SLC5A8: variants seen among roughly 807,000 people sequenced by gnomAD.
SLC5A8 encodes the protein sodium-coupled monocarboxylate transporter 1.
A neutral mutation model predicts 71.9 loss-of-function variants in SLC5A8; 55 were observed. The observed-to-expected ratio is 0.77, with a 90% CI of 0.62 to 0.96. The LOEUF is 0.96. Among genes scored for constraint, SLC5A8 ranks in the 40% least tolerant of loss-of-function variants. The pLI is 0.00. For missense variants in SLC5A8, 701 were observed against 745.3 expected (o/e 0.94, Z 0.69); for synonymous variants, 307 against 276.1 (o/e 1.11, Z -1.11).
Position 101,193,725 on chromosome 12 carries a change from C to T in SLC5A8, c.592G>A (p.Ala198Thr). ...TGTATAATCACGGATGCAAATCCAG[C>T]CACCATGATCCCAACTTGAAAAACA... The part of the protein sequence containing the change: ...TDVFQVGIMV[A>T]GFASVIIQAV... Residue 198 changes from alanine (A) to threonine (T), a missense_variant, in exon 5 of 15, where the codon GCT (alanine) becomes ACT (threonine). Transcript: ENST00000536262. The T allele has an allele frequency of 6.2e-7, 1 of 1,614,140 alleles. No homozygotes were observed. The highest frequency in any genetic ancestry group is 8.5e-7 in the Non-Finnish European group (1 of 1,180,020).
At position 101,209,243 on chromosome 12, in the gene SLC5A8, CT is replaced by C. The variant is rs528390042; in HGVS notation, c.351+254del. The stretch of plus-strand genomic sequence containing the variant: ...GTTGCAATCCGTTCACTTTGGAAGC[CT>C]CTTTTTTTCACTAAGCCCAGGAGAG... On this transcript the variant is annotated intron_variant, in intron 1 of 14. Coordinates refer to ENST00000536262, the MANE Select transcript of SLC5A8 (RefSeq NM_145913.5). Among the ~76,000 whole-genome samples the C allele has an allele frequency of 5.9e-5, 9 of 152,282 alleles. No homozygotes were observed. The South Asian group carries it at 1.9e-3, about 32-fold the overall frequency.
chr12:101,178,006 C>G (rs1379418208), intron 10 of SLC5A8, among the ~76,000 whole-genome samples: 1 of 152,042 alleles, frequency 6.6e-6, no homozygotes, highest in African/African-American at 2.4e-5. Flanking sequence ...CAAACTAAAC[C>G]ATAAAACAAA....
intron 13 of SLC5A8, among the ~76,000 whole-genome samples, chr12:101,160,367 A>T (rs571690105): frequency 1.3e-5 from 2 of 152,242 alleles, no homozygotes; most frequent in African/African-American, 4.8e-5. Flanking sequence ...TTATAAATAC[A>T]AGTGTCACAG....
At chr12:101,180,155 A>G (rs1162566494) in intron 9 of SLC5A8, 59 bp from the exon 10 acceptor site, 11 of 1,516,726 alleles carry the variant, frequency 7.3e-6, no homozygotes, top group South Asian at 2.2e-5. Flanking sequence ...AGAATTCTCA[A>G]TAGAATAATC....
At chr12:101,168,325 G>GA in intron 10 of SLC5A8, 143 bp from the exon 11 acceptor site, 1 of 761,526 alleles carries the variant, frequency 1.3e-6, no homozygotes, top group Non-Finnish European at 2.1e-6. Flanking sequence ...CTTATCACTG[G>GA]AAAAGAAGTC....
intron 10 of SLC5A8, among the ~76,000 whole-genome samples, chr12:101,174,002 G>A (rs577609306): frequency 6.6e-6 from 1 of 152,260 alleles, no homozygotes; most frequent in Non-Finnish European, 1.5e-5. Context: ...GTTTTTCATG[G>A]TGGCAATTTC....
chr12:101,199,269 T>A (rs948548041), intron 3 of SLC5A8: 3 of 152,032 alleles, frequency 2.0e-5, no homozygotes, highest in African/African-American at 4.8e-5. Flanking sequence ...CTTCCTTTTT[T>A]AAAAAATATG....
chr12:101,180,136 C>A, intron 9 of SLC5A8, 40 bp from the exon 10 acceptor site: 14 of 1,591,184 alleles, frequency 8.8e-6, no homozygotes, highest in Non-Finnish European at 1.2e-5. Context: ...AATCCACACC[C>A]AGAGAATTAG....
rs2051655353 is a variant in SLC5A8 at position 101,155,831 on chromosome 12, A to G, written c.*1448T>C. 5 of 150,270 alleles carry G rather than the reference A, an allele frequency of 3.3e-5. No individual in the cohort carries two copies. The South Asian group carries it at 1.0e-3, about 32-fold the overall frequency. The allele number at this position is 150,270 out of a possible 1,614,324, so 9.3% of individuals were successfully genotyped here. A position where few individuals can be genotyped will look rare whatever the true frequency, so the allele number is the denominator to read the frequency against. ...TTTTTTTAAATTTCTTAACATTGTC[A>G]GTTAGCAACCTCTAAATGTACAGGG... On this transcript the variant is annotated 3_prime_UTR_variant, in exon 15 of 15. Coordinates refer to ENST00000536262, the MANE Select transcript of SLC5A8 (RefSeq NM_145913.5).
chr12:101,190,258 A>T (rs1270769831), intron 6 of SLC5A8, among the ~76,000 whole-genome samples: 1 of 152,252 alleles, frequency 6.6e-6, no homozygotes, highest in Non-Finnish European at 1.5e-5. Context: ...ATTTGTTTTC[A>T]TTAATAATTC....
At chr12:101,174,967 T>C (rs912497932) in intron 10 of SLC5A8, among the ~76,000 whole-genome samples, 1 of 151,854 alleles carries the variant, frequency 6.6e-6, no homozygotes, top group Non-Finnish European at 1.5e-5. Context: ...AATATAAAGA[T>C]TACAGAAACA....
chr12:101,209,433 T>G (rs565598093), intron 1 of SLC5A8, 65 bp downstream of exon 1: 103 of 1,325,204 alleles, frequency 7.8e-5, no homozygotes, highest in Non-Finnish European at 1.0e-4. Flanking sequence ...AGAAAACGCC[T>G]CCAGAGGTCT....
At chr12:101,164,645 C>T (rs547353319) in intron 12 of SLC5A8, among the ~76,000 whole-genome samples, 57 of 152,216 alleles carry the variant, frequency 3.7e-4, no homozygotes, top group African/African-American at 1.3e-3. Context: ...TCCTTCCTTG[C>T]GATACAGATT....
chr12:101,187,075 AAAAC>A (rs550715981), intron 7 of SLC5A8, among the ~76,000 whole-genome samples: 42 of 152,194 alleles, frequency 2.8e-4, no homozygotes, highest in Non-Finnish European at 4.1e-4. Context: ...TGTAGTTTAA[AAAAC>A]AAACAAACAA....
At chr12:101,191,868 T>C (rs1868927560) in intron 5 of SLC5A8, among the ~76,000 whole-genome samples, 1 of 152,208 alleles carries the variant, frequency 6.6e-6, no homozygotes, top group Non-Finnish European at 1.5e-5. Flanking sequence ...CATAAAAATG[T>C]TTAATCTTTT....
chr12:101,173,963 C>G (rs891237007), intron 10 of SLC5A8, among the ~76,000 whole-genome samples: 26 of 152,108 alleles, frequency 1.7e-4, no homozygotes, highest in Non-Finnish European at 8.8e-5. Flanking sequence ...TACTGGGGAC[C>G]AGAGTGGTCT....
chr12:101,179,936 T>C (rs536128119), intron 10 of SLC5A8, 93 bp downstream of exon 10: 6 of 1,312,492 alleles, frequency 4.6e-6, no homozygotes, highest in Middle Eastern at 1.8e-4. Flanking sequence ...CAGGTGTCGA[T>C]ATATATCGAG....
At chr12:101,178,634 T>C (rs1343535490) in intron 10 of SLC5A8, among the ~76,000 whole-genome samples, 2 of 152,136 alleles carry the variant, frequency 1.3e-5, no homozygotes, top group African/African-American at 4.8e-5. Flanking sequence ...AACCTAAGTC[T>C]CACATTTTAT....
rs116624750 is a variant in SLC5A8, at chr12:101,173,656, G to T, written c.1234-5474C>A. ...CTCAGCTGGAGTGCATGGTGGGCTG[G>T]GAACAGCTGCGACATGCCCTTTGAT... On this transcript the variant is annotated intron_variant, in intron 10 of 14. Coordinates refer to ENST00000536262, the MANE Select transcript of SLC5A8 (RefSeq NM_145913.5). Among the ~76,000 whole-genome samples, 951 of 152,362 alleles carry T rather than the reference G, an allele frequency of 6.2e-3. 14 individuals carry two copies. The highest frequency in any genetic ancestry group is 0.022 in the African/African-American group (907 of 41,588).
Sources: allele counts gnomAD v4.1 joint callset (sites outside exome capture counted in the v4.1 genomes callset), GRCh38; gene constraint gnomAD v4.1.1; transcripts MANE v1.5; gene names NCBI Gene and HGNC (gene_info 2026-07-23, HGNC 2026-07-21).